The following ZNF540 variants were observed in gnomAD, a reference collection of about 807,000 sequenced individuals.
The protein encoded by ZNF540 is CTD-3064H18.6.
In ZNF540, 3 loss-of-function variants were observed where a neutral mutation model predicts 11.8. The observed-to-expected ratio is 0.25, with a 90% confidence interval of 0.12 to 0.65. The LOEUF (loss-of-function observed/expected upper bound fraction) is 0.65, where lower values mean the gene tolerates loss of function less well. Ranked by LOEUF, ZNF540 falls within the 30% of genes least tolerant of loss-of-function variation. The pLI is 0.83. For missense variants in ZNF540, 709 were observed against 793.1 expected (o/e 0.89, Z 1.27); for synonymous variants, 247 against 259.0 (o/e 0.95, Z 0.45).
intron 1 of ZNF540, chr19:37,562,602 C>G (rs2042730356): frequency 6.6e-6 from 1 of 152,140 alleles, no homozygotes; most frequent in East Asian, 1.9e-4. Flanking sequence ...TTCTAACTCA[C>G]CTTCACTCAC....
intron 1 of ZNF540, among the ~76,000 whole-genome samples, chr19:37,561,868 T>C (rs1315671162): frequency 6.6e-6 from 1 of 152,250 alleles, no homozygotes; most frequent in African/African-American, 2.4e-5. Flanking sequence ...GCATAACTTA[T>C]CCAATCTGAA....
In ZNF540 at chr19:37,565,886, C is replaced by T. The variant is rs772257189; in HGVS notation, c.-73+14221C>T. 3.7e-6 allele frequency: 6 copies of T among 1,613,878 alleles called. No individual in the cohort carries two copies. In the South Asian group the frequency reaches 5.5e-5, roughly 15 times the overall value. On this transcript the variant is annotated intron_variant, in intron 1 of 4. Coordinates refer to the ZNF540 transcript ENST00000592533. ...CTGAATTCTCTGATGTTGAATATAG[C>T]TTGGCTTTTTGCTAAAGGTATTCCT... is the stretch of plus-strand genomic sequence containing the variant.
chr19:37,602,493 A>G (rs552578513), intron 4 of ZNF540, among the ~76,000 whole-genome samples: 25 of 152,310 alleles, frequency 1.6e-4, no homozygotes, highest in African/African-American at 5.8e-4. Flanking sequence ...GGCAGAGTTG[A>G]GTAGTTGAGA....
chr19:37,551,841 G>T (rs946060449), intron 1 of ZNF540, among the ~76,000 whole-genome samples: 4 of 152,010 alleles, frequency 2.6e-5, no homozygotes, highest in Admixed American at 1.3e-4. Flanking sequence ...TGTGGGGGGG[G>T]TGGTGTCTGG....
intron 3 of ZNF540, among the ~76,000 whole-genome samples, chr19:37,600,402 T>G (rs1412669296): frequency 2.0e-5 from 3 of 152,130 alleles, no homozygotes; most frequent in Admixed American, 6.6e-5. Context: ...AAAATAAAAT[T>G]TATTAACTTA....
chr19:37,599,228 G>A (rs1203488656), intron 2 of ZNF540, among the ~76,000 whole-genome samples: 1 of 151,964 alleles, frequency 6.6e-6, no homozygotes. Flanking sequence ...GAGGATATAG[G>A]ATTCTTTTTT....
At chr19:37,609,881 GA>G (rs1233542870) in intron 4 of ZNF540, among the ~76,000 whole-genome samples, 3 of 151,810 alleles carry the variant, frequency 2.0e-5, no homozygotes, top group Non-Finnish European at 4.4e-5. Context: ...AAAAAGAAAA[GA>G]AAAAAACAGT....
At chr19:37,598,822 T>C (rs1427342275) in intron 2 of ZNF540, among the ~76,000 whole-genome samples, 1 of 152,130 alleles carries the variant, frequency 6.6e-6, no homozygotes, top group Non-Finnish European at 1.5e-5. Flanking sequence ...TGCAGTTTAA[T>C]ATTGATTGGC....
At chr19:37,553,853 C>CA (rs551632218) in intron 1 of ZNF540, among the ~76,000 whole-genome samples, 547 of 152,238 alleles carry the variant, frequency 3.6e-3, no homozygotes, top group Admixed American at 8.0e-3. Context: ...ATTAAAAACT[C>CA]AATTACTTTT....
intron 1 of ZNF540, among the ~76,000 whole-genome samples, chr19:37,572,625 T>C (rs1847526917): frequency 6.6e-6 from 1 of 152,230 alleles, no homozygotes; most frequent in South Asian, 2.1e-4. Context: ...GGGGAACTGC[T>C]GTTTTTGCTA....
intron 1 of ZNF540, among the ~76,000 whole-genome samples, chr19:37,584,336 G>C (rs532862267): frequency 6.6e-6 from 1 of 152,164 alleles, no homozygotes; most frequent in African/African-American, 2.4e-5. Flanking sequence ...AGCCAGATGT[G>C]TGCAGTTTCT....
chr19:37,595,482 G>C (rs563566875), intron 1 of ZNF540: 1 of 152,332 alleles, frequency 6.6e-6, no homozygotes, highest in South Asian at 2.1e-4. Context: ...ATTTAAAATA[G>C]ATTCCCATGA....
chr19:37,610,058 A>G (rs982348344), intron 4 of ZNF540, among the ~76,000 whole-genome samples: 1 of 152,156 alleles, frequency 6.6e-6, no homozygotes, highest in African/African-American at 2.4e-5. Context: ...CATTTTATAC[A>G]TTTGGTTGAA....
At position 37,614,147 on chromosome 19, in the gene ZNF540, C is replaced by T; in HGVS notation, c.*884C>T. On this transcript the variant is annotated 3_prime_UTR_variant, in exon 5 of 5. Transcript: ENST00000316433. ...TGCAGCCCAGATAACTAAGGCACTCCATTAGAATATAAATAAAATGTAAAG... is the reference window on the plus strand; with the variant it reads ...TGCAGCCCAGATAACTAAGGCACTCTATTAGAATATAAATAAAATGTAAAG... The T allele has an allele frequency of 3.1e-6, 1 of 318,810 alleles. No individual in the cohort carries two copies. The highest frequency in any genetic ancestry group is 5.6e-6 in the Non-Finnish European group (1 of 177,184). 19.7% of individuals were successfully genotyped at this position (318,810 alleles called of 1,614,324 possible). A position where few individuals can be genotyped will look rare whatever the true frequency, so the allele number is the denominator to read the frequency against.
chr19:37,566,520 A>G (rs1481877678), intron 1 of ZNF540: 1 of 466,472 alleles, frequency 2.1e-6, no homozygotes, highest in African/African-American at 2.0e-5. Flanking sequence ...GTGGTTCTCA[A>G]ACTTTGGAAT....
At chr19:37,605,903 T>C (rs1272055850) in intron 4 of ZNF540, among the ~76,000 whole-genome samples, 1 of 152,228 alleles carries the variant, frequency 6.6e-6, no homozygotes, top group African/African-American at 2.4e-5. Context: ...ATTTTATCCA[T>C]CAAAATTTTT....
At position 37,569,587 on chromosome 19, in the gene ZNF540, AAAC is replaced by A. The variant is rs2042986491; in HGVS notation, c.-73+17928_-73+17930del. The stretch of plus-strand genomic sequence containing the variant: ...GTTATTTTATCTCCTGTTTTATTAA[AAAC>A]AACAAGTGCTGCTTATAACCTACTA... On this transcript the variant is annotated intron_variant, in intron 1 of 4. Transcript: ENST00000592533. The surrounding 1 kb of genome is among the most constrained non-coding windows in gnomAD (Gnocchi z 4.4). Among the ~76,000 whole-genome samples, 1 of 152,184 alleles carries A rather than the reference AAAC, an allele frequency of 6.6e-6. No individual in the cohort carries two copies. Among genetic ancestry groups the A allele is most frequent in the African/African-American group, 2.4e-5 (1 of 41,446 alleles).
At chr19:37,575,691 G>A (rs1051546548) in intron 1 of ZNF540, 1 of 152,092 alleles carries the variant, frequency 6.6e-6, no homozygotes, top group Non-Finnish European at 1.5e-5. Flanking sequence ...TGGACTAATG[G>A]CTAACCAGTC....
Position 37,577,224 on chromosome 19 carries a change from A to G in ZNF540, c.-72-21152A>G, listed in dbSNP as rs139447132. On this transcript the variant is annotated intron_variant, in intron 1 of 4. Coordinates refer to the ZNF540 transcript ENST00000592533. ...TTCATCACCCTCCTCAAATATTTCA[A>G]TATATCCAAATTTATAATTAACATA... is the stretch of plus-strand genomic sequence containing the variant. Among the ~76,000 whole-genome samples, 5 of 152,310 alleles carry G rather than the reference A, an allele frequency of 3.3e-5. No individual in the cohort carries two copies. The East Asian group carries it at 7.7e-4, about 23-fold the overall frequency.
Sources: gnomAD v4.1 joint callset for allele counts (sites outside exome capture counted in the v4.1 genomes callset) on GRCh38, gnomAD v4.1.1 for gene constraint, Gnocchi (gnomAD v3.1) non-coding constraint, MANE v1.5 for transcripts, NCBI Gene and HGNC (gene_info 2026-07-23, HGNC 2026-07-21) for gene names.